Variants in RBFOX1 observed in about 807,000 individuals in gnomAD.
The protein encoded by RBFOX1 is RNA binding fox-1 homolog 1.
A neutral mutation model predicts 57.7 loss-of-function variants in RBFOX1; 8 were observed. The ratio of observed to expected loss-of-function variants is 0.14; its 90% CI spans 0.08 to 0.25. RBFOX1 has a LOEUF of 0.25. Ranked by LOEUF, RBFOX1 falls within the 10% of genes least tolerant of loss-of-function variation. The pLI, the probability that RBFOX1 is intolerant of heterozygous loss-of-function variation, is 1.00. For synonymous variants in RBFOX1, 326 were observed against 222.4 expected (o/e 1.47, Z -4.15); for missense variants, 611 against 548.5 (o/e 1.11, Z -1.14).
chr16:7,201,816 A>C (rs2088588281), intron 4 of RBFOX1, among the ~76,000 whole-genome samples: 1 of 152,108 alleles, frequency 6.6e-6, no homozygotes, highest in Admixed American at 6.5e-5. Flanking sequence ...TGGGCACGGC[A>C]AGCGTGAAGT....
At chr16:5,325,222 G>C (rs1358497) in intron 1 of RBFOX1, among the ~76,000 whole-genome samples, 146,964 of 152,056 alleles carry the variant, frequency 0.97, 71,211 homozygotes, top group Middle Eastern at 1. Context: ...CCCTCTTCTT[G>C]TCTCCTCCCT....
chr16:7,035,595 G>A (rs2044172039), intron 3 of RBFOX1, among the ~76,000 whole-genome samples: 1 of 151,920 alleles, frequency 6.6e-6, no homozygotes, highest in East Asian at 1.9e-4. Context: ...TGCGTTGTTG[G>A]TTTATTATTA....
intron 2 of RBFOX1, among the ~76,000 whole-genome samples, chr16:6,333,995 G>C (rs985621775): frequency 6.6e-6 from 1 of 152,152 alleles, no homozygotes; most frequent in Non-Finnish European, 1.5e-5. Flanking sequence ...TTTGGTGGGG[G>C]TAGGGGGGAG....
chr16:6,400,522 C>G (rs1375420580), intron 2 of RBFOX1, among the ~76,000 whole-genome samples: 2 of 152,092 alleles, frequency 1.3e-5, no homozygotes, highest in Non-Finnish European at 2.9e-5. Context: ...ATCCAAGTTT[C>G]TCCTTTAAAA....
chr16:6,671,895 C>G (rs1348884807), intron 3 of RBFOX1, among the ~76,000 whole-genome samples: 2 of 152,176 alleles, frequency 1.3e-5, no homozygotes, highest in Admixed American at 6.5e-5. Flanking sequence ...TTCACACTGC[C>G]TTTTCACACG....
At chr16:6,020,254 C>G (rs946150668) in intron 1 of RBFOX1, among the ~76,000 whole-genome samples, 2 of 152,022 alleles carry the variant, frequency 1.3e-5, no homozygotes, top group African/African-American at 4.8e-5. Context: ...AGCGCCCCTC[C>G]GAAGCATCCA....
chr16:7,337,717 C>G (rs1252040702), intron 4 of RBFOX1, among the ~76,000 whole-genome samples: 1 of 152,196 alleles, frequency 6.6e-6, no homozygotes, highest in Non-Finnish European at 1.5e-5. Context: ...TGGAGTCTCA[C>G]TCTGTCACCC....
At chr16:6,926,245 T>G (rs1391435575) in intron 3 of RBFOX1, among the ~76,000 whole-genome samples, 1 of 152,144 alleles carries the variant, frequency 6.6e-6, no homozygotes, top group East Asian at 1.9e-4. Flanking sequence ...AGGGGGAGGT[T>G]GCAGTGAGCT....
chr16:5,557,912 G>C (rs1175845289), intron 2 of RBFOX1, among the ~76,000 whole-genome samples: 1 of 152,220 alleles, frequency 6.6e-6, no homozygotes, highest in African/African-American at 2.4e-5. Context: ...GTCAGAACCA[G>C]AACAATGACA....
intron 3 of RBFOX1, among the ~76,000 whole-genome samples, chr16:6,839,510 C>G (rs2093339803): frequency 6.6e-6 from 1 of 152,062 alleles, no homozygotes; most frequent in Non-Finnish European, 1.5e-5. Flanking sequence ...GACAGAAAGG[C>G]CAAGTGAAAT....
intron 4 of RBFOX1, among the ~76,000 whole-genome samples, chr16:7,179,230 T>A (rs1333204800): frequency 1.3e-5 from 2 of 152,030 alleles, no homozygotes. Context: ...GGATTTTTTT[T>A]TTTTTTCCAA....
chr16:6,467,455 G>A (rs2095075689), intron 2 of RBFOX1, among the ~76,000 whole-genome samples: 1 of 152,154 alleles, frequency 6.6e-6, no homozygotes, highest in African/African-American at 2.4e-5. Flanking sequence ...TCCAGGCAAG[G>A]TGACTTTATA....
chr16:6,261,357 T>C (rs1440741565), intron 1 of RBFOX1, among the ~76,000 whole-genome samples: 1 of 152,258 alleles, frequency 6.6e-6, no homozygotes, highest in African/African-American at 2.4e-5. Context: ...GTTGTTTTTT[T>C]CTCTACCTAG....
chr16:7,109,104 A>G (rs1287602300), intron 4 of RBFOX1, among the ~76,000 whole-genome samples: 1 of 152,190 alleles, frequency 6.6e-6, no homozygotes, highest in Admixed American at 6.6e-5. Context: ...ATGGAAAAAG[A>G]GCCACCTCTT....
intron 3 of RBFOX1, among the ~76,000 whole-genome samples, chr16:6,672,822 C>A (rs1028118411): frequency 2.6e-4 from 39 of 152,284 alleles, no homozygotes; most frequent in African/African-American, 8.7e-4. Context: ...GTAATCCTAA[C>A]TTAAGCCCAT....
In RBFOX1 at chr16:6,612,849, C is replaced by CAAAAAA. The variant is rs539098192; in HGVS notation, c.-63-41743_-63-41738dup. ...CCTGGGAGACAGTGAGACTCTCTCT[C>CAAAAAA]AAAAAAAAAAAAAAAATAATAATAA... On this transcript the variant is annotated intron_variant, in intron 2 of 15. Coordinates refer to ENST00000550418, the MANE Select transcript of RBFOX1 (RefSeq NM_018723.4). 2.7e-3 allele frequency among the ~76,000 whole-genome samples: 275 copies of CAAAAAA among 103,008 alleles called. 1 individual carries two copies. Among genetic ancestry groups the CAAAAAA allele is most frequent in the African/African-American group, 6.0e-3 (185 of 30,692 alleles). 67.6% of individuals were successfully genotyped at this position (103,008 alleles called of 152,430 possible). A position where few individuals can be genotyped will look rare whatever the true frequency, so the allele number is the denominator to read the frequency against.
intron 3 of RBFOX1, among the ~76,000 whole-genome samples, chr16:6,966,731 GT>G (rs1842098836): frequency 6.6e-6 from 1 of 152,038 alleles, no homozygotes; most frequent in Non-Finnish European, 1.5e-5. Flanking sequence ...AGAAGTCACT[GT>G]AACTCTGCCT....
intron 1 of RBFOX1, among the ~76,000 whole-genome samples, chr16:6,023,559 G>C (rs1469875599): frequency 6.6e-6 from 1 of 152,138 alleles, no homozygotes; most frequent in Non-Finnish European, 1.5e-5. Context: ...TTCCAAGAGG[G>C]AAATCGTATT....
intron 4 of RBFOX1, among the ~76,000 whole-genome samples, chr16:7,286,616 ATTTT>A (rs61621368): frequency 1.1e-5 from 1 of 90,922 alleles, no homozygotes; most frequent in East Asian, 3.8e-4. Flanking sequence ...GGACTGGCTA[ATTTT>A]TTTTTTTTTT....
Sources: allele counts gnomAD v4.1 joint callset (sites outside exome capture counted in the v4.1 genomes callset), GRCh38; gene constraint gnomAD v4.1.1; transcripts MANE v1.5; gene names NCBI Gene and HGNC (gene_info 2026-07-23, HGNC 2026-07-21).